Variants in GSG1L observed in about 807,000 individuals in gnomAD.
GSG1L encodes the protein GSG1 like.
Under a neutral mutation model 42.1 loss-of-function variants are expected in GSG1L, and 24 were observed. That is an observed-to-expected ratio of 0.57 (90% CI 0.41 to 0.80). GSG1L has a LOEUF of 0.80. Ranked by LOEUF, GSG1L falls within the 30% of genes least tolerant of loss-of-function variation. The pLI is 0.00. For synonymous variants in GSG1L, 215 were observed against 203.5 expected (o/e 1.06, Z -0.48); for missense variants, 445 against 472.2 (o/e 0.94, Z 0.53).
chr16:27,851,426 C>T (rs1012440898), intron 3 of GSG1L, among the ~76,000 whole-genome samples: 6 of 151,968 alleles, frequency 3.9e-5, no homozygotes, highest in Admixed American at 1.3e-4. Context: ...GAACTCCTGG[C>T]CTCAAGAGAT....
chr16:28,023,730 A>T (rs1243943774), intron 1 of GSG1L, among the ~76,000 whole-genome samples: 1 of 152,220 alleles, frequency 6.6e-6, no homozygotes, highest in East Asian at 1.9e-4. Flanking sequence ...TTTGCCTAAG[A>T]TCACATAGCA....
intron 3 of GSG1L, among the ~76,000 whole-genome samples, chr16:27,865,527 A>C (rs1327545916): frequency 3.3e-4 from 2 of 6,080 alleles, no homozygotes. Context: ...CTCTTTCTAT[A>C]TATATATATA....
At chr16:27,968,012 G>T (rs2085154102) in intron 1 of GSG1L, among the ~76,000 whole-genome samples, 1 of 152,126 alleles carries the variant, frequency 6.6e-6, no homozygotes, top group African/African-American at 2.4e-5. Context: ...TGCTGGAATG[G>T]AGGAGATGTA....
At chr16:28,057,318 T>C (rs922669054) in intron 1 of GSG1L, among the ~76,000 whole-genome samples, 4 of 152,060 alleles carry the variant, frequency 2.6e-5, no homozygotes, top group African/African-American at 7.2e-5. Context: ...TGGGTTCTGA[T>C]TGACCGGCTG....
chr16:27,876,463 G>A (rs2083888075), intron 3 of GSG1L, among the ~76,000 whole-genome samples: 1 of 152,192 alleles, frequency 6.6e-6, no homozygotes, highest in Non-Finnish European at 1.5e-5. Flanking sequence ...GGCAGCCGAT[G>A]GAAAAAGGCA....
chr16:27,792,786 G>A (rs1171624229), intron 6 of GSG1L, among the ~76,000 whole-genome samples: 1 of 152,216 alleles, frequency 6.6e-6, no homozygotes, highest in African/African-American at 2.4e-5. Context: ...AACTAAGGGA[G>A]AGGGTTGGTG....
chr16:27,810,550 G>C (rs572911488), intron 5 of GSG1L, among the ~76,000 whole-genome samples: 1 of 152,298 alleles, frequency 6.6e-6, no homozygotes, highest in African/African-American at 2.4e-5. Context: ...ACTTCCCAGG[G>C]AACATACTCT....
chr16:27,987,495 G>T (rs2085398434), intron 1 of GSG1L, among the ~76,000 whole-genome samples: 1 of 152,198 alleles, frequency 6.6e-6, no homozygotes, highest in Admixed American at 6.5e-5. Flanking sequence ...CCCTGGCTGT[G>T]CTGGGAAGGG....
intron 3 of GSG1L, among the ~76,000 whole-genome samples, chr16:27,851,999 C>T (rs187613154): frequency 1.9e-4 from 29 of 152,342 alleles, no homozygotes; most frequent in African/African-American, 6.3e-4. Context: ...CAGGATCTCC[C>T]CTGCCTCTGG....
At chr16:28,061,522 T>C (rs2086341562) in intron 1 of GSG1L, among the ~76,000 whole-genome samples, 1 of 152,090 alleles carries the variant, frequency 6.6e-6, no homozygotes. Flanking sequence ...AGCCTCCGGT[T>C]CATCATCCCA....
At chr16:27,959,840 A>G (rs1474500723) in intron 2 of GSG1L, among the ~76,000 whole-genome samples, 1 of 152,196 alleles carries the variant, frequency 6.6e-6, no homozygotes, top group African/African-American at 2.4e-5. Flanking sequence ...GAATGAAAGG[A>G]GGTAACCACT....
chr16:28,005,050 CA>C (rs1196781477), intron 1 of GSG1L, among the ~76,000 whole-genome samples: 2 of 152,176 alleles, frequency 1.3e-5, no homozygotes, highest in African/African-American at 4.8e-5. Flanking sequence ...GCTGGAGGGC[CA>C]AAATTAAGAG....
At chr16:28,028,412 G>A (rs959148324) in intron 1 of GSG1L, among the ~76,000 whole-genome samples, 2 of 152,088 alleles carry the variant, frequency 1.3e-5, no homozygotes, top group East Asian at 1.9e-4. Flanking sequence ...TGACAAAGCC[G>A]GGATTGGAAC....
intron 2 of GSG1L, among the ~76,000 whole-genome samples, chr16:27,900,885 T>C (rs1357734840): frequency 1.3e-5 from 2 of 150,872 alleles, no homozygotes; most frequent in African/African-American, 2.4e-5. Flanking sequence ...CCCAGCACTT[T>C]GGGAGGCCAT....
chr16:27,798,720 T>C (rs1375024845), intron 6 of GSG1L, among the ~76,000 whole-genome samples: 3 of 152,150 alleles, frequency 2.0e-5, no homozygotes, highest in African/African-American at 7.2e-5. Flanking sequence ...GGAATTGGGC[T>C]CTGGAGGGCA....
intron 5 of GSG1L, among the ~76,000 whole-genome samples, chr16:27,820,684 A>G (rs1381111290): frequency 1.3e-5 from 2 of 152,086 alleles, no homozygotes; most frequent in African/African-American, 4.8e-5. Flanking sequence ...CTGAGATCTG[A>G]TGGCTTTGTG....
intron 2 of GSG1L, among the ~76,000 whole-genome samples, chr16:27,910,038 C>A (rs1002504686): frequency 1.3e-5 from 2 of 148,848 alleles, no homozygotes; most frequent in African/African-American, 5.0e-5. Flanking sequence ...CAGCTCACTG[C>A]AACCTCCACC....
intron 3 of GSG1L, among the ~76,000 whole-genome samples, chr16:27,866,305 A>G (rs1025485026): frequency 6.6e-6 from 1 of 152,238 alleles, no homozygotes; most frequent in Non-Finnish European, 1.5e-5. Flanking sequence ...TGCTGCCACA[A>G]TATTACCAAT....
chr16:28,012,062 C>T (rs937060007), intron 1 of GSG1L, among the ~76,000 whole-genome samples: 3 of 152,028 alleles, frequency 2.0e-5, no homozygotes, highest in Non-Finnish European at 2.9e-5. Flanking sequence ...GTCCAAACTC[C>T]CTGACACCCC....
Sources: gnomAD v4.1 joint callset for allele counts (sites outside exome capture counted in the v4.1 genomes callset) on GRCh38, gnomAD v4.1.1 for gene constraint, MANE v1.5 for transcripts, NCBI Gene and HGNC (gene_info 2026-07-23, HGNC 2026-07-21) for gene names.